MMP26: variants seen among roughly 807,000 people sequenced by gnomAD.
MMP26 encodes the protein matrix metalloproteinase-26.
A neutral mutation model predicts 31.0 loss-of-function variants in MMP26; 33 were observed. The observed-to-expected ratio is 1.06, with a 90% CI of 0.81 to 1.42. The LOEUF is 1.42. Among genes scored for constraint, MMP26 ranks in the 40% most tolerant of loss-of-function variants. MMP26 has a pLI of 0.00. For synonymous variants in MMP26, 122 were observed against 114.9 expected, an observed-to-expected ratio of 1.06 and a Z score of -0.40; for missense variants, 347 against 316.1, an observed-to-expected ratio of 1.10 and a Z score of -0.74.
intron 2 of MMP26, among the ~76,000 whole-genome samples, chr11:4,911,636 T>A (rs1850993338): frequency 6.6e-6 from 1 of 151,976 alleles, no homozygotes; most frequent in Admixed American, 6.6e-5. Flanking sequence ...TTCTGCAATG[T>A]TCTTCCCTCA....
intron 2 of MMP26, chr11:4,794,114 G>C (rs1356391005): frequency 1.3e-5 from 2 of 152,094 alleles, no homozygotes; most frequent in African/African-American, 4.8e-5. Context: ...AGAGACCACA[G>C]GTACGGACTA....
At chr11:4,857,159 A>G (rs1850065888) in intron 2 of MMP26, among the ~76,000 whole-genome samples, 1 of 152,182 alleles carries the variant, frequency 6.6e-6, no homozygotes, top group Non-Finnish European at 1.5e-5. Flanking sequence ...CACAATTAAA[A>G]GAACTAGAGA....
intron 1 of MMP26, among the ~76,000 whole-genome samples, chr11:4,740,788 T>G (rs1371539798): frequency 6.6e-6 from 1 of 152,158 alleles, no homozygotes; most frequent in South Asian, 2.1e-4. Context: ...TAGAGTCATG[T>G]AGAGTCCTAG....
At chr11:4,934,247 C>A (rs1416980863) in intron 2 of MMP26, among the ~76,000 whole-genome samples, 1 of 150,694 alleles carries the variant, frequency 6.6e-6, no homozygotes, top group East Asian at 1.9e-4. Context: ...TGTTTCCTGA[C>A]TCTTTAATGA....
intron 2 of MMP26, among the ~76,000 whole-genome samples, chr11:4,782,012 A>G (rs1848870863): frequency 6.6e-6 from 1 of 152,170 alleles, no homozygotes; most frequent in South Asian, 2.1e-4. Context: ...TTTCTTTTGT[A>G]AATTGCTCAG....
chr11:4,907,721 A>G, intron 2 of MMP26: 4 of 1,613,934 alleles, frequency 2.5e-6, no homozygotes, highest in Non-Finnish European at 3.4e-6. Context: ...ACTTCTAATT[A>G]TGTCTTTGGA....
intron 2 of MMP26, chr11:4,955,298 G>T (rs1377604994): frequency 1.7e-6 from 2 of 1,207,106 alleles, no homozygotes; most frequent in Non-Finnish European, 2.3e-6. Context: ...TCTGACAGTT[G>T]TCAGGATTGA....
At chr11:4,838,314 C>CAA (rs1849747325) in intron 2 of MMP26, among the ~76,000 whole-genome samples, 1 of 31,358 alleles carries the variant, frequency 3.2e-5, no homozygotes, top group South Asian at 1.4e-3. Context: ...AAGACTCTGT[C>CAA]TAAAAAAAAA....
intron 1 of MMP26, among the ~76,000 whole-genome samples, chr11:4,727,764 G>T (rs531744039): frequency 6.6e-6 from 1 of 152,064 alleles, no homozygotes; most frequent in East Asian, 1.9e-4. Flanking sequence ...AGCTGAGATC[G>T]TGCCATTGCA....
At chr11:4,977,453 G>A (rs1182342891) in intron 2 of MMP26, among the ~76,000 whole-genome samples, 1 of 152,024 alleles carries the variant, frequency 6.6e-6, no homozygotes, top group African/African-American at 2.4e-5. Context: ...TTAAATGGGA[G>A]GGGTCATGAC....
intron 2 of MMP26, chr11:4,946,238 G>A (rs28698374): frequency 0.85 from 1,364,393 of 1,613,376 alleles, 577,946 homozygotes; most frequent in Admixed American, 0.91. Flanking sequence ...AATTGGGTTC[G>A]TCAGTGGAGG....
chr11:4,946,432 G>A (rs777300381), intron 2 of MMP26: 3 of 1,609,944 alleles, frequency 1.9e-6, no homozygotes, highest in Non-Finnish European at 2.5e-6. Flanking sequence ...GTACAGTCTT[G>A]AGGATCAGGG....
At chr11:4,834,982 C>T (rs1849696456) in intron 2 of MMP26, among the ~76,000 whole-genome samples, 2 of 151,742 alleles carry the variant, frequency 1.3e-5, no homozygotes, top group Non-Finnish European at 2.9e-5. Context: ...AAGTAGTAGA[C>T]CTATATTCCC....
chr11:4,978,384 T>C (rs918701411), intron 2 of MMP26, among the ~76,000 whole-genome samples: 1 of 152,110 alleles, frequency 6.6e-6, no homozygotes, highest in South Asian at 2.1e-4. Context: ...TCATTCTGAT[T>C]ATTAAAGTAA....
intron 1 of MMP26, chr11:4,751,939 C>T (rs563829269): frequency 6.8e-4 from 104 of 152,252 alleles, no homozygotes; most frequent in Middle Eastern, 3.4e-3. Flanking sequence ...TTTAGTTTCA[C>T]TCAACTCTAA....
intron 2 of MMP26, chr11:4,955,254 T>C: frequency 1.6e-6 from 2 of 1,270,882 alleles, no homozygotes; most frequent in South Asian, 1.2e-5. Context: ...AGGAGCATGC[T>C]CTTAAAGGAG....
chr11:4,822,484 T>G, intron 2 of MMP26: 1 of 1,018,074 alleles, frequency 9.8e-7, no homozygotes, highest in African/African-American at 1.6e-5. Context: ...AACTAAGCAA[T>G]TTATAGGTTA....
intron 1 of MMP26, among the ~76,000 whole-genome samples, chr11:4,751,110 T>C (rs1466104230): frequency 6.6e-6 from 1 of 152,114 alleles, no homozygotes; most frequent in African/African-American, 2.4e-5. Flanking sequence ...GTTACACATG[T>C]CAAGTATTGA....
intron 2 of MMP26, among the ~76,000 whole-genome samples, chr11:4,958,047 A>G (rs1206165729): frequency 2.0e-5 from 3 of 152,114 alleles, no homozygotes; most frequent in Non-Finnish European, 4.4e-5. Flanking sequence ...TTCACTCCCA[A>G]CAAGAGTTTA....
Sources: allele counts gnomAD v4.1 joint callset (sites outside exome capture counted in the v4.1 genomes callset), GRCh38; gene constraint gnomAD v4.1.1; transcripts MANE v1.5; gene names NCBI Gene and HGNC (gene_info 2026-07-23, HGNC 2026-07-21).